Variants in SH3GL2 observed in about 807,000 individuals in gnomAD.
The protein encoded by SH3GL2 is endophilin-A1.
SH3GL2 carries 24 observed loss-of-function variants against 46.0 expected under a neutral mutation model. The ratio of observed to expected loss-of-function variants is 0.52; its 90% CI spans 0.38 to 0.73. The LOEUF is 0.73. SH3GL2 is among the 30% of genes least tolerant of loss of function. SH3GL2 has a pLI of 0.00. For synonymous variants in SH3GL2, 196 were observed against 147.1 expected, an observed-to-expected ratio of 1.33 and a Z score of -2.40; for missense variants, 413 against 424.2, an observed-to-expected ratio of 0.97 and a Z score of 0.23.
At chr9:17,718,495 G>A (rs117685137) in intron 1 of SH3GL2, among the ~76,000 whole-genome samples, 2,393 of 152,174 alleles carry the variant, frequency 0.016, 29 homozygotes, top group Non-Finnish European at 0.025. Flanking sequence ...CGCCAAGGCG[G>A]GTGGATTGCT....
intron 1 of SH3GL2, among the ~76,000 whole-genome samples, chr9:17,585,874 CAT>C (rs1398009477): frequency 6.6e-5 from 10 of 152,164 alleles, no homozygotes; most frequent in African/African-American, 2.2e-4. Flanking sequence ...CAGGAGACAA[CAT>C]GTGAAGTTTT....
intron 1 of SH3GL2, among the ~76,000 whole-genome samples, chr9:17,679,673 G>A (rs907651587): frequency 5.3e-5 from 8 of 152,194 alleles, no homozygotes; most frequent in Admixed American, 3.9e-4. Flanking sequence ...ATGTTGAATA[G>A]GAGTGGTGAG....
intron 1 of SH3GL2, among the ~76,000 whole-genome samples, chr9:17,690,548 G>T (rs1459636765): frequency 6.6e-6 from 1 of 152,026 alleles, no homozygotes; most frequent in Non-Finnish European, 1.5e-5. Flanking sequence ...CAAAAATTAT[G>T]TTGATGAGGC....
At chr9:17,600,510 T>C (rs939861497) in intron 1 of SH3GL2, among the ~76,000 whole-genome samples, 1 of 152,182 alleles carries the variant, frequency 6.6e-6, no homozygotes, top group Non-Finnish European at 1.5e-5. Context: ...AAGCTTTAAT[T>C]ATGGAGCATC....
chr9:17,687,238 C>G (rs865984514), intron 1 of SH3GL2, among the ~76,000 whole-genome samples: 1 of 152,030 alleles, frequency 6.6e-6, no homozygotes, highest in Non-Finnish European at 1.5e-5. Flanking sequence ...TCCAATTTCA[C>G]TTAAGCAGTT....
At chr9:17,688,390 A>G (rs1298291932) in intron 1 of SH3GL2, among the ~76,000 whole-genome samples, 1 of 152,124 alleles carries the variant, frequency 6.6e-6, no homozygotes, top group Non-Finnish European at 1.5e-5. Context: ...TATTAGATAT[A>G]AGAGAAGTAA....
At chr9:17,637,312 A>G (rs1317091453) in intron 1 of SH3GL2, among the ~76,000 whole-genome samples, 1 of 152,242 alleles carries the variant, frequency 6.6e-6, no homozygotes, top group African/African-American at 2.4e-5. Context: ...TGACCATCAG[A>G]TTCAGGCCCA....
intron 3 of SH3GL2, among the ~76,000 whole-genome samples, chr9:17,783,556 A>T (rs927231673): frequency 6.6e-6 from 1 of 152,046 alleles, no homozygotes; most frequent in Non-Finnish European, 1.5e-5. Flanking sequence ...GGGATGCTAC[A>T]GATTATGCTT....
chr9:17,659,056 G>C (rs1212665278), intron 1 of SH3GL2, among the ~76,000 whole-genome samples: 1 of 152,202 alleles, frequency 6.6e-6, no homozygotes, highest in African/African-American at 2.4e-5. Flanking sequence ...GGTGATGGAA[G>C]ATTTCTTGCT....
intron 1 of SH3GL2, among the ~76,000 whole-genome samples, chr9:17,709,708 C>G (rs1821569005): frequency 6.6e-6 from 1 of 150,732 alleles, no homozygotes; most frequent in Non-Finnish European, 1.5e-5. Context: ...CACACACACA[C>G]ACACACGTTT....
At chr9:17,590,642 A>G (rs747086398) in intron 1 of SH3GL2, 9 of 152,206 alleles carry the variant, frequency 5.9e-5, no homozygotes, top group Non-Finnish European at 1.0e-4. Context: ...TATAGTGCTC[A>G]TCGTCCCTAT....
intron 1 of SH3GL2, chr9:17,735,808 G>T: frequency 1.1e-6 from 1 of 888,062 alleles, no homozygotes; most frequent in Non-Finnish European, 1.3e-6. Context: ...GCTTAAGTTA[G>T]CAGGTAGGTG....
intron 1 of SH3GL2, among the ~76,000 whole-genome samples, chr9:17,623,176 C>T (rs1819197046): frequency 6.6e-6 from 1 of 150,502 alleles, no homozygotes; most frequent in South Asian, 2.1e-4. Flanking sequence ...CCTTGTCCTT[C>T]CATCGGAGTG....
chr9:17,657,026 A>G (rs1156920711), intron 1 of SH3GL2, among the ~76,000 whole-genome samples: 3 of 152,190 alleles, frequency 2.0e-5, no homozygotes, highest in African/African-American at 7.2e-5. Context: ...TACTATAGAC[A>G]TAAAAATTCT....
chr9:17,609,231 A>G (rs969024772), intron 1 of SH3GL2, among the ~76,000 whole-genome samples: 3 of 152,152 alleles, frequency 2.0e-5, no homozygotes, highest in Admixed American at 6.5e-5. Flanking sequence ...CTTGCCCAAG[A>G]TCAGTCTGTA....
Position 17,579,237 on chromosome 9 carries a change from T to C in SH3GL2, c.-6T>C. The stretch of plus-strand genomic sequence containing the variant: ...CACAGCAGCCGCCAGCGCGGCCTCC[T>C]GCACCATGTCGGTGGCCGGCCTCAA... On this transcript the variant is annotated 5_prime_UTR_variant, in exon 1 of 9. Coordinates refer to ENST00000380607, the MANE Select transcript of SH3GL2 (RefSeq NM_003026.5). 1 of 1,559,538 alleles carries C rather than the reference T, an allele frequency of 6.4e-7. No individual in the cohort carries two copies. The highest frequency in any genetic ancestry group is 1.8e-5 in the Admixed American group (1 of 54,998).
chr9:17,599,056 A>C (rs1039462248), intron 1 of SH3GL2, among the ~76,000 whole-genome samples: 1 of 152,246 alleles, frequency 6.6e-6, no homozygotes, highest in African/African-American at 2.4e-5. Flanking sequence ...ATCATCAAAA[A>C]AGAATAGATT....
chr9:17,776,864 A>G lies in SH3GL2; in HGVS notation c.188-9517A>G, dbSNP rs147194921. ...TCTGTGTCTCACATGGCCATTTTCA[A>G]GCTACCAGTGTGACATCACTGAACT... is the stretch of plus-strand genomic sequence containing the variant. On this transcript the variant is annotated intron_variant, in intron 3 of 8. Coordinates refer to ENST00000380607, the MANE Select transcript of SH3GL2 (RefSeq NM_003026.5). Among the ~76,000 whole-genome samples the G allele has an allele frequency of 2.3e-3, 355 of 152,248 alleles. 4 individuals carry two copies. Among genetic ancestry groups the G allele is most frequent in the African/African-American group, 8.3e-3 (346 of 41,560 alleles).
chr9:17,747,782 T>A (rs1377524508), intron 2 of SH3GL2, among the ~76,000 whole-genome samples: 1 of 152,122 alleles, frequency 6.6e-6, no homozygotes, highest in African/African-American at 2.4e-5. Context: ...TCAAGCGATC[T>A]CCTGCCTCAG....
Sources: allele counts gnomAD v4.1 joint callset (sites outside exome capture counted in the v4.1 genomes callset), GRCh38; gene constraint gnomAD v4.1.1; transcripts MANE v1.5; gene names NCBI Gene and HGNC (gene_info 2026-07-23, HGNC 2026-07-21).